NELL1: variants seen among roughly 807,000 people sequenced by gnomAD.
NELL1 encodes the protein neural EGFL like 1, also known as protein kinase C-binding protein NELL1.
Under a neutral mutation model 107.4 loss-of-function variants are expected in NELL1, and 76 were observed. The ratio of observed to expected loss-of-function variants is 0.71; its 90% CI spans 0.59 to 0.86. NELL1 has a LOEUF of 0.86. Ranked by LOEUF, NELL1 falls within the 40% of genes least tolerant of loss-of-function variation. The probability of loss-of-function intolerance (pLI) is 0.00; values close to 1 mark genes in which losing one functional copy is unlikely to be tolerated. For missense variants in NELL1, 1,024 were observed against 1,005.5 expected (o/e 1.02, Z -0.25); for synonymous variants, 353 against 341.2 (o/e 1.03, Z -0.38).
chr11:21,171,749 A>C (rs1259865293), intron 13 of NELL1, among the ~76,000 whole-genome samples: 1 of 151,816 alleles, frequency 6.6e-6, no homozygotes, highest in Non-Finnish European at 1.5e-5. Context: ...AATTCCCTAT[A>C]TTAAATTCAA....
intron 4 of NELL1, among the ~76,000 whole-genome samples, chr11:20,854,274 CT>C (rs1848840608): frequency 6.6e-6 from 1 of 152,174 alleles, no homozygotes; most frequent in African/African-American, 2.4e-5. Context: ...TGTCTCTGGG[CT>C]TTAGCTTCCT....
chr11:20,736,486 T>C (rs1197549016), intron 2 of NELL1, among the ~76,000 whole-genome samples: 3 of 152,144 alleles, frequency 2.0e-5, no homozygotes, highest in Non-Finnish European at 4.4e-5. Flanking sequence ...TGGTTTAGGA[T>C]AATCTTTAAG....
intron 14 of NELL1, among the ~76,000 whole-genome samples, chr11:21,330,001 T>C (rs1414596546): frequency 6.6e-6 from 1 of 152,120 alleles, no homozygotes; most frequent in African/African-American, 2.4e-5. Context: ...AAATAAATTA[T>C]ATGTTTGTAA....
intron 12 of NELL1, among the ~76,000 whole-genome samples, chr11:21,054,624 T>C (rs1853572389): frequency 1.3e-5 from 2 of 152,090 alleles, no homozygotes; most frequent in African/African-American, 4.8e-5. Flanking sequence ...TTTGACTTTG[T>C]TAATTTGGTA....
At chr11:21,504,948 A>G (rs576101910) in intron 15 of NELL1, among the ~76,000 whole-genome samples, 3 of 152,304 alleles carry the variant, frequency 2.0e-5, no homozygotes, top group African/African-American at 7.2e-5. Flanking sequence ...AGTCATGTTT[A>G]AAGCTCATTG....
At chr11:20,895,405 T>C (rs1246373630) in intron 5 of NELL1, among the ~76,000 whole-genome samples, 1 of 147,182 alleles carries the variant, frequency 6.8e-6, no homozygotes, top group Non-Finnish European at 1.5e-5. Context: ...CCCTTCCCAG[T>C]CTCTGTTATC....
chr11:21,322,315 T>C (rs1232929815), intron 14 of NELL1, among the ~76,000 whole-genome samples: 1 of 152,102 alleles, frequency 6.6e-6, no homozygotes, highest in Non-Finnish European at 1.5e-5. Flanking sequence ...TGAGACAAAA[T>C]TAAATGGCAT....
At chr11:21,017,091 T>C (rs976019153) in intron 12 of NELL1, among the ~76,000 whole-genome samples, 3 of 152,098 alleles carry the variant, frequency 2.0e-5, no homozygotes, top group Admixed American at 6.6e-5. Flanking sequence ...TTCTGCATCA[T>C]ATTGCAGAGA....
chr11:20,809,885 G>A lies in NELL1; in HGVS notation c.335+26055G>A, dbSNP rs183611648. ...TTCCTTTGTATATGTACTCAGTAGC[G>A]GGATTGCCGGATCATATGGTAGTTA... On this transcript the variant is annotated intron_variant, in intron 3 of 19. Transcript: ENST00000357134. 2.4e-3 allele frequency among the ~76,000 whole-genome samples: 362 copies of A among 152,216 alleles called. 3 individuals carry two copies. Among genetic ancestry groups the A allele is most frequent in the African/African-American group, 8.3e-3 (346 of 41,532 alleles).
chr11:20,721,174 ATTT>A (rs1219788563), intron 2 of NELL1, among the ~76,000 whole-genome samples: 1 of 38,624 alleles, frequency 2.6e-5, no homozygotes, highest in Non-Finnish European at 4.6e-5. Context: ...ATAGATATAT[ATTT>A]TGTGTATATA....
At chr11:20,708,323 C>G (rs1855024958) in intron 2 of NELL1, among the ~76,000 whole-genome samples, 1 of 152,228 alleles carries the variant, frequency 6.6e-6, no homozygotes, top group African/African-American at 2.4e-5. Context: ...CCTGCTTCGG[C>G]TCACACTCCT....
At chr11:20,936,171 T>G (rs2134183232) in intron 9 of NELL1, among the ~76,000 whole-genome samples, 1 of 152,174 alleles carries the variant, frequency 6.6e-6, no homozygotes, top group South Asian at 2.1e-4. Flanking sequence ...ACAGGGAGCT[T>G]TGGAGCTGGA....
chr11:21,509,588 A>G (rs181824894), intron 15 of NELL1, among the ~76,000 whole-genome samples: 57 of 152,326 alleles, frequency 3.7e-4, no homozygotes, highest in Admixed American at 1.2e-3. Context: ...TTTTGTGTGC[A>G]GCTTGATGCT....
chr11:21,065,263 A>G (rs997345327), intron 12 of NELL1, among the ~76,000 whole-genome samples: 2 of 152,098 alleles, frequency 1.3e-5, no homozygotes, highest in Non-Finnish European at 2.9e-5. Context: ...AGCTTCATAA[A>G]GGCAGGATTT....
intron 15 of NELL1, among the ~76,000 whole-genome samples, chr11:21,442,887 A>G (rs17305470): frequency 0.2 from 29,620 of 147,906 alleles, 3,805 homozygotes; most frequent in South Asian, 0.29. Flanking sequence ...TGAGATGGAA[A>G]TTGGGTGCAA....
chr11:20,787,019 A>AAAAAAAAG (rs1856980664), intron 3 of NELL1, among the ~76,000 whole-genome samples: 1 of 149,162 alleles, frequency 6.7e-6, no homozygotes, highest in African/African-American at 2.5e-5. Flanking sequence ...AAAAAAAAAA[A>AAAAAAAAG]AAAAAAAAAA....
chr11:21,374,228 T>C (rs1851417451), intron 15 of NELL1, among the ~76,000 whole-genome samples: 2 of 152,076 alleles, frequency 1.3e-5, no homozygotes, highest in Non-Finnish European at 2.9e-5. Flanking sequence ...ATAGTTTCTA[T>C]GGTTTGAAAT....
intron 2 of NELL1, among the ~76,000 whole-genome samples, chr11:20,690,200 A>G (rs1854424656): frequency 1.3e-5 from 2 of 152,154 alleles, no homozygotes; most frequent in East Asian, 3.9e-4. Flanking sequence ...TCAGATGAGT[A>G]GGTTGTGAAA....
intron 13 of NELL1, among the ~76,000 whole-genome samples, chr11:21,161,164 C>G (rs1317643165): frequency 6.6e-6 from 1 of 152,030 alleles, no homozygotes; most frequent in East Asian, 1.9e-4. Flanking sequence ...GCTTTCTGAC[C>G]CTCTGTGATC....
Sources: allele counts gnomAD v4.1 joint callset (sites outside exome capture counted in the v4.1 genomes callset), GRCh38; gene constraint gnomAD v4.1.1; transcripts MANE v1.5; gene names NCBI Gene and HGNC (gene_info 2026-07-23, HGNC 2026-07-21).